Variants in AKNAD1 observed in about 807,000 individuals in gnomAD.
The protein encoded by AKNAD1 is protein AKNAD1.
A neutral mutation model predicts 90.8 loss-of-function variants in AKNAD1; 67 were observed. That is an observed-to-expected ratio of 0.74 (90% CI 0.61 to 0.90). The LOEUF is 0.90. Ranked by LOEUF, AKNAD1 falls within the 40% of genes least tolerant of loss-of-function variation. The probability of loss-of-function intolerance (pLI) is 0.00; values close to 1 mark genes in which losing one functional copy is unlikely to be tolerated. For synonymous variants in AKNAD1, 327 were observed against 341.4 expected, an observed-to-expected ratio of 0.96 and a Z score of 0.46; for missense variants, 957 against 975.4, an observed-to-expected ratio of 0.98 and a Z score of 0.25.
intron 2 of AKNAD1, among the ~76,000 whole-genome samples, chr1:108,850,921 G>GA (rs11436788): frequency 0.51 from 77,426 of 151,922 alleles, 20,807 homozygotes; most frequent in East Asian, 0.76. Flanking sequence ...GGGAAAGGGG[G>GA]AATAGCATAA....
At position 108,834,959 on chromosome 1, in the gene AKNAD1, T is replaced by C. The variant is rs1011786039; in HGVS notation, c.1634A>G (p.Asn545Ser). ...TPQGGPQEAP[N>S]EELCELAPQT... ...CGGGGCCAGCTCACAGAGCTCCTCGTTGGGGGCCTCCTGCGGCCCTCCTTG... is the reference window on the plus strand; with the variant it reads ...CGGGGCCAGCTCACAGAGCTCCTCGCTGGGGGCCTCCTGCGGCCCTCCTTG... The change falls in exon 8 of 16, where the codon AAC becomes AGC. Residue 545 changes from asparagine (N) to serine (S), a missense_variant. By Grantham distance (46) the Asn-to-Ser change is conservative (BLOSUM62 1). Transcript: ENST00000370001. 11 of 1,549,982 alleles carry C rather than the reference T, an allele frequency of 7.1e-6. No individual in the cohort carries two copies. The African/African-American group carries it at 8.6e-5, about 12-fold the overall frequency.
rs372290780 is a variant in AKNAD1 at position 108,852,533 on chromosome 1, T to C, written c.132A>G (p.Leu44=). The C allele has an allele frequency of 8.7e-6, 14 of 1,614,100 alleles. No homozygotes were observed. In the African/African-American group the frequency reaches 1.5e-4, roughly 17 times the overall value. ...FTSKKDGLEV[L]NQIIFIADDP... ...CATCTGCTATGAAAATAATTTGATT[T>C]AAGACTTCAAGGCCATCCTTTTTTG... The change falls in exon 2 of 16, where the codon TTA becomes TTG. Residue 44 remains leucine, a synonymous_variant. Coordinates refer to ENST00000370001, the MANE Select transcript of AKNAD1 (RefSeq NM_152763.5).
chr1:108,818,907 T>C (rs942559532), intron 14 of AKNAD1, among the ~76,000 whole-genome samples: 7 of 140,956 alleles, frequency 5.0e-5, no homozygotes, highest in African/African-American at 1.9e-4. Context: ...GAGGTTGCAG[T>C]GAGCCATGAT....
intron 5 of AKNAD1, among the ~76,000 whole-genome samples, chr1:108,848,487 T>G (rs1664765044): frequency 1.3e-5 from 2 of 152,166 alleles, no homozygotes; most frequent in African/African-American, 4.8e-5. Context: ...CTCTTGAACC[T>G]CCCGTGGTGT....
In AKNAD1 at chr1:108,820,724, T is replaced by A. The variant is rs554813519; in HGVS notation, c.2168-98A>T. The A allele has an allele frequency of 3.4e-5, 22 of 640,332 alleles. No homozygotes were observed. The Admixed American group carries it at 6.5e-4, about 19-fold the overall frequency. The allele number at this position is 640,332 out of a possible 1,614,324, so 39.7% of individuals were successfully genotyped here. A position where few individuals can be genotyped will look rare whatever the true frequency, so the allele number is the denominator to read the frequency against. ...TTGAACTTTTTGTATGAATGAAATATTTCATAAAATTTTAATAAATCAGAA... is the reference window on the plus strand; with the variant it reads ...TTGAACTTTTTGTATGAATGAAATAATTCATAAAATTTTAATAAATCAGAA... On this transcript the variant is annotated intron_variant, in intron 13 of 15. Coordinates refer to ENST00000370001, the MANE Select transcript of AKNAD1 (RefSeq NM_152763.5).
chr1:108,827,563 C>T (rs1664044918), intron 10 of AKNAD1, among the ~76,000 whole-genome samples: 1 of 151,386 alleles, frequency 6.6e-6, no homozygotes, highest in African/African-American at 2.4e-5. Flanking sequence ...GCCTGTAATC[C>T]CAGCACTTTG....
At chr1:108,839,799 T>A (rs942752707) in intron 6 of AKNAD1, among the ~76,000 whole-genome samples, 1 of 152,034 alleles carries the variant, frequency 6.6e-6, no homozygotes. Context: ...TGTGGGAGTA[T>A]CACTTGAACC....
rs375189165 is a variant in AKNAD1, at chr1:108,823,727, CT to C, written c.1937-40del. ...AGTTGCATGAATGAAGGGTAAGTGTCTTGATTATAGTCATAAAATACGGTGT... is the reference window on the plus strand; with the variant it reads ...AGTTGCATGAATGAAGGGTAAGTGTCTGATTATAGTCATAAAATACGGTGT... On this transcript the variant is annotated intron_variant, in intron 11 of 15. Coordinates refer to ENST00000370001, the MANE Select transcript of AKNAD1 (RefSeq NM_152763.5). 692 of 1,613,440 alleles carry C rather than the reference CT, an allele frequency of 4.3e-4. 3 individuals are homozygous for C. In the East Asian group the frequency reaches 8.9e-3, roughly 21 times the overall value.
intron 9 of AKNAD1, 136 bp from the exon 10 acceptor site, chr1:108,830,786 C>T (rs1185724669): frequency 5.2e-6 from 4 of 762,898 alleles, no homozygotes; most frequent in Non-Finnish European, 8.9e-6. Context: ...CAAACCTCTC[C>T]TCCAGTTGGG....
intron 1 of AKNAD1, among the ~76,000 whole-genome samples, chr1:108,853,560 C>T (rs908749932): frequency 1.7e-4 from 26 of 152,160 alleles, no homozygotes; most frequent in Admixed American, 2.6e-4. Flanking sequence ...TGCCTTTTCA[C>T]CTGTCCCTCC....
chr1:108,823,557 G>A lies in AKNAD1; in HGVS notation c.2059+9C>T. On this transcript the variant is annotated intron_variant, in intron 12 of 15. Transcript: ENST00000370001. ...CACTCGCCTTTCTGAGGCCCCAGGT[G>A]AGTGTTACCTTTAGTTGGTTCTTTC... 6.8e-6 allele frequency: 11 copies of A among 1,613,902 alleles called. No individual in the cohort carries two copies. The highest frequency in any genetic ancestry group is 1.1e-5 in the South Asian group (1 of 91,066).
rs765740896 is a variant in AKNAD1, at chr1:108,837,600, G to A, written c.1486C>T (p.Pro496Ser). ...GAGGCCAAGTCATCCAGGGTAACTGGAGAACTCACAGGAAGGGAAGGAGCT... is the reference window on the plus strand; with the variant it reads ...GAGGCCAAGTCATCCAGGGTAACTGAAGAACTCACAGGAAGGGAAGGAGCT... ...TSAPSLPVSS[P>S]VTLDDLASTF... is the part of the protein sequence containing the mutation. The change falls in exon 7 of 16, where the codon CCA becomes TCA. Residue 496 changes from proline to serine, a missense_variant. Transcript: ENST00000370001. 12 of 1,614,150 alleles carry A rather than the reference G, an allele frequency of 7.4e-6. No individual in the cohort carries two copies. The East Asian group carries it at 2.7e-4, about 36-fold the overall frequency.
intron 7 of AKNAD1, among the ~76,000 whole-genome samples, chr1:108,835,904 G>C: frequency 6.6e-6 from 1 of 152,252 alleles, no homozygotes; most frequent in Non-Finnish European, 1.5e-5. Context: ...AATTACAGGC[G>C]TGAGCCACCG....
intron 1 of AKNAD1, among the ~76,000 whole-genome samples, chr1:108,855,866 AAAAC>A (rs1665016087): frequency 6.7e-6 from 1 of 150,100 alleles, no homozygotes; most frequent in South Asian, 2.1e-4. Context: ...AGAACAAAAA[AAAAC>A]AGAGTATCTT....
chr1:108,850,743 T>C (rs1664830576), intron 2 of AKNAD1, among the ~76,000 whole-genome samples: 1 of 152,194 alleles, frequency 6.6e-6, no homozygotes, highest in South Asian at 2.1e-4. Flanking sequence ...CACCTTCATA[T>C]AAGGCTCAAA....
chr1:108,847,898 A>C (rs891192758), intron 5 of AKNAD1, among the ~76,000 whole-genome samples: 1 of 152,206 alleles, frequency 6.6e-6, no homozygotes, highest in Non-Finnish European at 1.5e-5. Context: ...TGGAAAAGGA[A>C]TTGTTTATTC....
intron 14 of AKNAD1, among the ~76,000 whole-genome samples, chr1:108,817,643 A>C (rs1251649976): frequency 6.6e-6 from 1 of 150,884 alleles, no homozygotes; most frequent in Non-Finnish European, 1.5e-5. Flanking sequence ...CTGGGACTAC[A>C]GGCGCCCGCC....
chr1:108,835,127 G>C (rs2101187965), intron 7 of AKNAD1, 71 bp from the exon 8 acceptor site: 1 of 1,525,828 alleles, frequency 6.6e-7, no homozygotes, highest in South Asian at 1.3e-5. Flanking sequence ...AATCAGTTCA[G>C]CATCCCTACA....
chr1:108,816,127 C>G lies in AKNAD1; in HGVS notation c.*44G>C. Reference sequence around the variant, plus strand: ...ACATTTTGGGGGAAGATCAAGTTTTCTTTGCATTTTTTTCTTTTGAATCCT... The same window carrying G: ...ACATTTTGGGGGAAGATCAAGTTTTGTTTGCATTTTTTTCTTTTGAATCCT... On this transcript the variant is annotated 3_prime_UTR_variant, in exon 16 of 16. Transcript: ENST00000370001. The G allele has an allele frequency of 6.7e-7, 1 of 1,495,498 alleles. No individual in the cohort carries two copies. The highest frequency in any genetic ancestry group is 8.9e-7 in the Non-Finnish European group (1 of 1,123,246). The allele number at this position is 1,495,498 out of a possible 1,614,324, so 92.6% of individuals were successfully genotyped here. A position where few individuals can be genotyped will look rare whatever the true frequency, so the allele number is the denominator to read the frequency against.
Sources: gnomAD v4.1 joint callset for allele counts (sites outside exome capture counted in the v4.1 genomes callset) on GRCh38, gnomAD v4.1.1 for gene constraint, MANE v1.5 for transcripts, NCBI Gene and HGNC (gene_info 2026-07-23, HGNC 2026-07-21) for gene names.